PBX1: variants seen among roughly 807,000 people sequenced by gnomAD.
PBX1 encodes the protein pre-B-cell leukemia transcription factor 1.
In PBX1, 6 loss-of-function variants were observed where a neutral mutation model predicts 53.4. The ratio of observed to expected loss-of-function variants is 0.11; its 90% CI spans 0.06 to 0.22. PBX1 has a LOEUF of 0.22. PBX1 is among the 10% of genes least tolerant of loss of function. The pLI is 1.00. For missense variants in PBX1, 251 were observed against 551.4 expected (o/e 0.46, Z 5.46); for synonymous variants, 204 against 212.3 (o/e 0.96, Z 0.34).
At chr1:164,613,046 G>GAAC (rs1298260303) in intron 2 of PBX1, among the ~76,000 whole-genome samples, 1 of 152,166 alleles carries the variant, frequency 6.6e-6, no homozygotes, top group African/African-American at 2.4e-5. Flanking sequence ...AGAATTTCCT[G>GAAC]AACAACAACA....
At chr1:164,777,859 T>C (rs973583482) in intron 2 of PBX1, among the ~76,000 whole-genome samples, 1 of 152,222 alleles carries the variant, frequency 6.6e-6, no homozygotes, top group Non-Finnish European at 1.5e-5. Flanking sequence ...TTCACATTGG[T>C]TTGCAGAATC....
rs1665303115 is a variant in PBX1, at chr1:164,736,583, CAT to C, written c.266-55907_266-55906del. ...GAAAAAGCCACAGAAGGAACAATGA[CAT>C]ATACATTATCCTCCAGAAAATACAT... On this transcript the variant is annotated intron_variant, in intron 2 of 8. Coordinates refer to ENST00000420696, the MANE Select transcript of PBX1 (RefSeq NM_002585.4). Among the ~76,000 whole-genome samples the C allele has an allele frequency of 2.6e-5, 4 of 152,288 alleles. No individual in the cohort carries two copies. The South Asian group carries it at 8.3e-4, about 32-fold the overall frequency.
intron 2 of PBX1, among the ~76,000 whole-genome samples, chr1:164,713,218 TTTCTCTA>T (rs1380466680): frequency 6.6e-6 from 1 of 152,160 alleles, no homozygotes; most frequent in Admixed American, 6.5e-5. Context: ...CCTTTGAACT[TTTCTCTA>T]TGTAGTGATA....
chr1:164,870,303 T>A (rs1049550272), intron 2 of PBX1, among the ~76,000 whole-genome samples: 1 of 67,560 alleles, frequency 1.5e-5, no homozygotes, highest in South Asian at 6.2e-4. Context: ...CTTTCTTTCT[T>A]TCTTTCTTTC....
intron 2 of PBX1, among the ~76,000 whole-genome samples, chr1:164,689,277 T>G (rs1662314345): frequency 6.6e-6 from 1 of 152,260 alleles, no homozygotes; most frequent in South Asian, 2.1e-4. Context: ...TGGCAAATAG[T>G]TAACTGAAGT....
intron 2 of PBX1, among the ~76,000 whole-genome samples, chr1:164,781,896 G>A (rs1667952602): frequency 6.6e-6 from 1 of 152,022 alleles, no homozygotes. Flanking sequence ...AATTTTCTCT[G>A]TAATACTCTA....
chr1:164,703,888 A>G (rs933242057), intron 2 of PBX1, among the ~76,000 whole-genome samples: 1 of 152,136 alleles, frequency 6.6e-6, no homozygotes, highest in Admixed American at 6.5e-5. Flanking sequence ...ATTCAGAGCA[A>G]CTTCCCTACA....
At chr1:164,881,556 C>T (rs547585620) in intron 2 of PBX1, among the ~76,000 whole-genome samples, 7 of 62,936 alleles carry the variant, frequency 1.1e-4, no homozygotes, top group African/African-American at 2.7e-4. Flanking sequence ...GAGAGAGTAG[C>T]GGTGGTGAGA....
At chr1:164,646,610 C>T (rs1659468724) in intron 2 of PBX1, among the ~76,000 whole-genome samples, 1 of 152,128 alleles carries the variant, frequency 6.6e-6, no homozygotes, top group Non-Finnish European at 1.5e-5. Context: ...ACCAAGTCTT[C>T]AGGAGAGATA....
intron 2 of PBX1, among the ~76,000 whole-genome samples, chr1:164,868,593 T>C (rs1301095763): frequency 6.6e-6 from 1 of 152,206 alleles, no homozygotes; most frequent in Non-Finnish European, 1.5e-5. Context: ...TGGAAATGCC[T>C]GGATTTGGAT....
chr1:164,717,828 C>G (rs1571279479), intron 2 of PBX1, among the ~76,000 whole-genome samples: 1 of 152,104 alleles, frequency 6.6e-6, no homozygotes, highest in Non-Finnish European at 1.5e-5. Context: ...ATTACCTGCT[C>G]CCTGTCCAGG....
intron 2 of PBX1, chr1:164,700,786 T>C (rs1663073512): frequency 2.1e-6 from 2 of 950,796 alleles, no homozygotes; most frequent in South Asian, 1.0e-4. Context: ...TTTCTATGAC[T>C]TTTTTCACCC....
intron 2 of PBX1, among the ~76,000 whole-genome samples, chr1:164,764,706 A>C (rs1301404809): frequency 6.6e-6 from 1 of 152,140 alleles, no homozygotes; most frequent in Non-Finnish European, 1.5e-5. Flanking sequence ...GCCCACCTAC[A>C]TGGAAAAAGA....
intron 2 of PBX1, among the ~76,000 whole-genome samples, chr1:164,615,130 A>G (rs1292395534): frequency 6.6e-6 from 1 of 152,198 alleles, no homozygotes. Flanking sequence ...GGTAGTCAGG[A>G]TTCTTCAAAA....
At chr1:164,628,301 G>T (rs899965025) in intron 2 of PBX1, among the ~76,000 whole-genome samples, 1 of 152,192 alleles carries the variant, frequency 6.6e-6, no homozygotes, top group African/African-American at 2.4e-5. Context: ...TTTGAGTAAG[G>T]TAAGGGATAT....
chr1:164,806,570 G>T (rs1374369409), intron 4 of PBX1, among the ~76,000 whole-genome samples: 3 of 152,218 alleles, frequency 2.0e-5, no homozygotes, highest in Non-Finnish European at 2.9e-5. Flanking sequence ...CTGCATAATT[G>T]TGAGGAGCCA....
intron 3 of PBX1, among the ~76,000 whole-genome samples, chr1:164,794,891 G>A (rs1195745499): frequency 6.6e-6 from 1 of 152,144 alleles, no homozygotes; most frequent in Non-Finnish European, 1.5e-5. Context: ...AACCATAATT[G>A]CAATGGATGT....
In PBX1 at chr1:164,716,685, TACACACAC is replaced by T. The variant is rs375539653; in HGVS notation, c.266-75771_266-75764del. ...TGGGCAACATGGGAAATGTCATCTC[TACACACAC>T]ACACACACACACACACACACACACA... On this transcript the variant is annotated intron_variant, in intron 2 of 8. Transcript: ENST00000420696. Among the ~76,000 whole-genome samples, 945 of 115,850 alleles carry T rather than the reference TACACACAC, an allele frequency of 8.2e-3. 13 individuals are homozygous for T. The highest frequency in any genetic ancestry group is 0.072 in the South Asian group (184 of 2,542). 76.0% of individuals were successfully genotyped at this position (115,850 alleles called of 152,430 possible). A position where few individuals can be genotyped will look rare whatever the true frequency, so the allele number is the denominator to read the frequency against.
At chr1:164,882,939 T>C (rs1426827021) in intron 2 of PBX1, among the ~76,000 whole-genome samples, 1 of 152,240 alleles carries the variant, frequency 6.6e-6, no homozygotes, top group African/African-American at 2.4e-5. Context: ...GAACGTTAAC[T>C]GTTTTCTCTT....
Sources: allele counts gnomAD v4.1 joint callset (sites outside exome capture counted in the v4.1 genomes callset), GRCh38; gene constraint gnomAD v4.1.1; transcripts MANE v1.5; gene names NCBI Gene and HGNC (gene_info 2026-07-23, HGNC 2026-07-21).